The following BLNK variants were observed in gnomAD, a reference collection of about 807,000 sequenced individuals.
The protein encoded by BLNK is B-cell linker protein.
Under a neutral mutation model 73.5 loss-of-function variants are expected in BLNK, and 29 were observed. The observed-to-expected ratio is 0.39, with a 90% CI of 0.29 to 0.54. BLNK has a LOEUF of 0.54. BLNK is among the 20% of genes least tolerant of loss of function. The pLI, the probability that BLNK is intolerant of heterozygous loss-of-function variation, is 0.61. For synonymous variants in BLNK, 176 were observed against 200.8 expected, an observed-to-expected ratio of 0.88 and a Z score of 1.04; for missense variants, 460 against 562.8, an observed-to-expected ratio of 0.82 and a Z score of 1.85.
intron 5 of BLNK, among the ~76,000 whole-genome samples, chr10:96,225,875 C>T (rs782384244): frequency 3.3e-5 from 5 of 152,122 alleles, no homozygotes; most frequent in Non-Finnish European, 7.4e-5. Flanking sequence ...GAACTCCTGA[C>T]GTCAGGTGAT....
At chr10:96,229,267 A>G (rs1591332404) in intron 4 of BLNK, among the ~76,000 whole-genome samples, 1 of 147,078 alleles carries the variant, frequency 6.8e-6, no homozygotes, top group African/African-American at 2.5e-5. Flanking sequence ...CCTCTGGTAA[A>G]CATCATTCTA....
At position 96,200,939 on chromosome 10, in the gene BLNK, T is replaced by C; in HGVS notation, c.1011+43A>G. 1 of 1,557,230 alleles carries C rather than the reference T, an allele frequency of 6.4e-7. No individual in the cohort carries two copies. Among genetic ancestry groups the C allele is most frequent in the Non-Finnish European group, 8.9e-7 (1 of 1,128,376 alleles). ...TCAGAAGACATGCTCTTTCCTGCAG[T>C]TTCCTGGTAACAATTTAGTGACATC... On this transcript the variant is annotated intron_variant, in intron 14 of 16. Coordinates refer to ENST00000224337, the MANE Select transcript of BLNK (RefSeq NM_013314.4). The surrounding 1 kb of genome is among the most constrained non-coding windows in gnomAD (Gnocchi z 4.3).
chr10:96,229,426 T>C (rs1554903525), intron 4 of BLNK, among the ~76,000 whole-genome samples: 1 of 152,248 alleles, frequency 6.6e-6, no homozygotes, highest in African/African-American at 2.4e-5. Context: ...GGGATCCATC[T>C]ACTGAAGTCA....
chr10:96,254,980 G>A (rs1049349259), intron 1 of BLNK, among the ~76,000 whole-genome samples: 8 of 152,128 alleles, frequency 5.3e-5, no homozygotes, highest in African/African-American at 1.7e-4. Flanking sequence ...CCTTGCCCCC[G>A]ACCATTTAAA....
rs76266250 is a variant in BLNK at position 96,257,719 on chromosome 10, G to A, written c.48-10670C>T. Among the ~76,000 whole-genome samples the A allele has an allele frequency of 7.7e-3, 1,166 of 152,266 alleles. 16 individuals are homozygous for A. Among genetic ancestry groups the A allele is most frequent in the African/African-American group, 0.027 (1,113 of 41,548 alleles). On this transcript the variant is annotated intron_variant, in intron 1 of 16. Transcript: ENST00000224337. Reference sequence around the variant, plus strand: ...TGCTTTGCTGTTTTATACATGACTCGTTTTGTTTTATTCCACAAATATTCA... The same window carrying A: ...TGCTTTGCTGTTTTATACATGACTCATTTTGTTTTATTCCACAAATATTCA...
intron 2 of BLNK, among the ~76,000 whole-genome samples, chr10:96,246,079 AG>A (rs1254495910): frequency 1.4e-4 from 21 of 152,224 alleles, no homozygotes; most frequent in Non-Finnish European, 2.6e-4. Flanking sequence ...AGACCTACTA[AG>A]GTACGTCTAC....
At chr10:96,253,743 C>T (rs182238185) in intron 1 of BLNK, among the ~76,000 whole-genome samples, 1,694 of 152,114 alleles carry the variant, frequency 0.011, 16 homozygotes, top group Non-Finnish European at 0.018. Context: ...AGGCTGGGTG[C>T]GATGGCTCAC....
intron 7 of BLNK, chr10:96,216,426 T>C (rs1204854710): frequency 3.5e-6 from 2 of 576,042 alleles, no homozygotes; most frequent in Non-Finnish European, 6.2e-6. Context: ...ATGGGAAGAT[T>C]AAAGCATGGA....
At chr10:96,201,119 C>T (rs1314781649) in intron 13 of BLNK, 61 bp from the exon 14 acceptor site, 4 of 1,430,486 alleles carry the variant, frequency 2.8e-6, no homozygotes, top group Non-Finnish European at 3.9e-6. Flanking sequence ...CTTTCTATGC[C>T]TATCCCCTAA....
At chr10:96,227,820 A>G (rs79145275) in intron 4 of BLNK, among the ~76,000 whole-genome samples, 2,172 of 152,334 alleles carry the variant, frequency 0.014, 57 homozygotes, top group African/African-American at 0.049. Flanking sequence ...ATGGGAGCTG[A>G]CACTCTGTAG....
At chr10:96,239,115 G>A (rs1842799045) in intron 3 of BLNK, 1 of 398,516 alleles carries the variant, frequency 2.5e-6, no homozygotes, top group South Asian at 1.3e-4. Context: ...GAGATTAAAT[G>A]TTCTGACATC....
chr10:96,264,911 T>C (rs528373175), intron 1 of BLNK, among the ~76,000 whole-genome samples: 132 of 152,284 alleles, frequency 8.7e-4, no homozygotes, highest in African/African-American at 3.1e-3. Flanking sequence ...AGGCAACATA[T>C]TCTGCTCTAG....
At chr10:96,239,277 G>A (rs1842805437) in intron 3 of BLNK, 1 of 397,564 alleles carries the variant, frequency 2.5e-6, no homozygotes, top group Non-Finnish European at 4.4e-6. Flanking sequence ...CTGAGCCCCA[G>A]AGATCTGTGT....
At position 96,190,113 on chromosome 10, in the gene BLNK, A is replaced by G; in HGVS notation, c.*1860T>C. 1.0e-6 allele frequency: 1 copy of G among 988,452 alleles called. No individual in the cohort carries two copies. The highest frequency in any genetic ancestry group is 1.6e-6 in the Non-Finnish European group (1 of 625,664). The allele number at this position is 988,452 out of a possible 1,614,324, so 61.2% of individuals were successfully genotyped here. On this transcript the variant is annotated 3_prime_UTR_variant, in exon 17 of 17. Transcript: ENST00000224337. ...TTAAGGATAACTGGTGCTCATTTTC[A>G]TCATTATCCACCTTAAAGTGATCAT...
chr10:96,250,422 G>GAC (rs1231046018), intron 1 of BLNK, among the ~76,000 whole-genome samples: 2 of 139,818 alleles, frequency 1.4e-5, no homozygotes, highest in East Asian at 4.1e-4. Flanking sequence ...GGGGGAGAGA[G>GAC]AGAGAGAGAG....
chr10:96,261,919 G>A (rs1303637696), intron 1 of BLNK, among the ~76,000 whole-genome samples: 1 of 152,092 alleles, frequency 6.6e-6, no homozygotes, highest in East Asian at 1.9e-4. Flanking sequence ...AAATGAAGGG[G>A]TAAAAAATGG....
At chr10:96,223,686 T>G in intron 6 of BLNK, 140 bp downstream of exon 6, 4 of 1,001,248 alleles carry the variant, frequency 4.0e-6, no homozygotes, top group Non-Finnish European at 6.0e-6. Context: ...CCAAGTCCCT[T>G]TGGTATAATA....
At chr10:96,224,639 T>C (rs1554902054) in intron 5 of BLNK, among the ~76,000 whole-genome samples, 2 of 152,330 alleles carry the variant, frequency 1.3e-5, no homozygotes, top group Middle Eastern at 3.4e-3. Flanking sequence ...GCTGTGCTCT[T>C]TGGGGCTGGT....
chr10:96,210,291 A>G (rs1414625895), intron 8 of BLNK: 8 of 320,596 alleles, frequency 2.5e-5, no homozygotes, highest in Non-Finnish European at 4.2e-5. Context: ...ATCTGTGCAC[A>G]CTGCACAAAT....
Sources: allele counts gnomAD v4.1 joint callset (sites outside exome capture counted in the v4.1 genomes callset), GRCh38; gene constraint gnomAD v4.1.1; non-coding constraint Gnocchi (gnomAD v3.1); transcripts MANE v1.5; gene names NCBI Gene and HGNC (gene_info 2026-07-23, HGNC 2026-07-21).